Variants in EPHA3 observed in about 807,000 individuals in gnomAD.
EPHA3 encodes the protein ephrin type-A receptor 3.
Under a neutral mutation model 107.1 loss-of-function variants are expected in EPHA3, and 42 were observed. The ratio of observed to expected loss-of-function variants is 0.39; its 90% CI spans 0.31 to 0.51. The LOEUF is 0.51. EPHA3 is among the 20% of genes least tolerant of loss of function. The probability of loss-of-function intolerance (pLI) is 0.78; values close to 1 mark genes in which losing one functional copy is unlikely to be tolerated. For missense variants in EPHA3, 1,183 were observed against 1,211.2 expected (o/e 0.98, Z 0.35); for synonymous variants, 461 against 424.8 (o/e 1.09, Z -1.05).
At chr3:89,413,771 T>C (rs1451507294) in intron 10 of EPHA3, among the ~76,000 whole-genome samples, 2 of 151,806 alleles carry the variant, frequency 1.3e-5, no homozygotes, top group African/African-American at 4.8e-5. Context: ...TGACTTTGAA[T>C]AGTCTTATGT....
At chr3:89,384,610 A>T (rs1025222840) in intron 5 of EPHA3, among the ~76,000 whole-genome samples, 5 of 152,222 alleles carry the variant, frequency 3.3e-5, no homozygotes, top group African/African-American at 1.2e-4. Flanking sequence ...TCACACAATT[A>T]AATGCATATC....
At chr3:89,201,849 C>T (rs1705975247) in intron 2 of EPHA3, among the ~76,000 whole-genome samples, 1 of 152,150 alleles carries the variant, frequency 6.6e-6, no homozygotes, top group Non-Finnish European at 1.5e-5. Flanking sequence ...GTCACAGTTT[C>T]CAAGAATCTA....
At chr3:89,119,269 T>G (rs1344511261) in intron 1 of EPHA3, among the ~76,000 whole-genome samples, 1 of 152,062 alleles carries the variant, frequency 6.6e-6, no homozygotes, top group African/African-American at 2.4e-5. Context: ...AATAGAACCA[T>G]CTCCATATAA....
chr3:89,401,654 A>C (rs1559682674), intron 7 of EPHA3, among the ~76,000 whole-genome samples: 1 of 152,060 alleles, frequency 6.6e-6, no homozygotes, highest in Admixed American at 6.5e-5. Flanking sequence ...GTTGCCCAGG[A>C]TGGAGTGCAA....
chr3:89,195,240 C>T (rs549751001), intron 2 of EPHA3, among the ~76,000 whole-genome samples: 40 of 152,130 alleles, frequency 2.6e-4, no homozygotes, highest in African/African-American at 9.4e-4. Flanking sequence ...GTTCTCACAC[C>T]TGTTTTGCTG....
Position 89,480,803 on chromosome 3 carries a change from C to G in EPHA3, c.*1301C>G, listed in dbSNP as rs1304877556. Reference sequence around the variant, plus strand: ...AGGTATTATTATCTTTAAGAGTCTTCCACTTCAATGCACATGGTGCAGTTT... The same window carrying G: ...AGGTATTATTATCTTTAAGAGTCTTGCACTTCAATGCACATGGTGCAGTTT... On this transcript the variant is annotated 3_prime_UTR_variant, in exon 17 of 17. Coordinates refer to ENST00000336596, the MANE Select transcript of EPHA3 (RefSeq NM_005233.6). 1 of 232,370 alleles carries G rather than the reference C, an allele frequency of 4.3e-6. No individual in the cohort carries two copies. Among genetic ancestry groups the G allele is most frequent in the Non-Finnish European group, 8.5e-6 (1 of 117,294 alleles). 14.4% of individuals were successfully genotyped at this position (232,370 alleles called of 1,614,324 possible).
chr3:89,358,648 GC>G (rs1708018956), intron 5 of EPHA3, among the ~76,000 whole-genome samples: 1 of 150,966 alleles, frequency 6.6e-6, no homozygotes, highest in Non-Finnish European at 1.5e-5. Context: ...GCTCAATGAA[GC>G]CCCCCAGTGA....
chr3:89,322,115 C>T (rs534918824), intron 3 of EPHA3, among the ~76,000 whole-genome samples: 14 of 151,990 alleles, frequency 9.2e-5, no homozygotes, highest in African/African-American at 3.4e-4. Flanking sequence ...AACACACACA[C>T]ACACACAGAG....
chr3:89,157,468 A>G (rs1463951298), intron 2 of EPHA3, among the ~76,000 whole-genome samples: 1 of 152,050 alleles, frequency 6.6e-6, no homozygotes, highest in Non-Finnish European at 1.5e-5. Context: ...AAGTTGATGA[A>G]AAACGAAGAG....
intron 3 of EPHA3, among the ~76,000 whole-genome samples, chr3:89,297,707 C>T (rs1706390766): frequency 6.6e-6 from 1 of 152,096 alleles, no homozygotes; most frequent in Non-Finnish European, 1.5e-5. Context: ...TTGCAAAAAA[C>T]TCAGTATCTG....
At chr3:89,108,039 G>A (rs1407247686) in intron 1 of EPHA3, among the ~76,000 whole-genome samples, 1 of 151,970 alleles carries the variant, frequency 6.6e-6, no homozygotes, top group African/African-American at 2.4e-5. Flanking sequence ...TCTAAACTTT[G>A]AAAATGTGTT....
chr3:89,229,900 C>T (rs1052143926), intron 3 of EPHA3, among the ~76,000 whole-genome samples: 1 of 151,840 alleles, frequency 6.6e-6, no homozygotes, highest in Non-Finnish European at 1.5e-5. Flanking sequence ...CCATTGGGTG[C>T]ATTTAGGAAT....
chr3:89,123,921 C>T (rs1428952592), intron 1 of EPHA3, among the ~76,000 whole-genome samples: 2 of 152,040 alleles, frequency 1.3e-5, no homozygotes, highest in African/African-American at 4.8e-5. Context: ...AATATGAAAT[C>T]TGGGAAGGGG....
At chr3:89,204,919 T>C (rs1281973878) in intron 2 of EPHA3, among the ~76,000 whole-genome samples, 4 of 152,136 alleles carry the variant, frequency 2.6e-5, no homozygotes, top group Non-Finnish European at 5.9e-5. Flanking sequence ...TCACTTAAAA[T>C]TACTGGGTGC....
Position 89,187,354 on chromosome 3 carries a change from C to T in EPHA3, c.154-22506C>T, listed in dbSNP as rs749274934. On this transcript the variant is annotated intron_variant, in intron 2 of 16. Transcript: ENST00000336596. ...TTAATAAATATTAATAAATAATATACATTATAAATAAATGTATATATCTAT... is the reference window on the plus strand; with the variant it reads ...TTAATAAATATTAATAAATAATATATATTATAAATAAATGTATATATCTAT... 2.0e-3 allele frequency among the ~76,000 whole-genome samples: 301 copies of T among 148,054 alleles called. 2 individuals are homozygous for T. The highest frequency in any genetic ancestry group is 3.9e-3 in the Non-Finnish European group (259 of 67,140).
chr3:89,289,206 A>C (rs1214473737), intron 3 of EPHA3, among the ~76,000 whole-genome samples: 1 of 152,108 alleles, frequency 6.6e-6, no homozygotes, highest in Non-Finnish European at 1.5e-5. Context: ...AACGTACAGG[A>C]CTTAACTTTT....
chr3:89,385,313 C>A (rs1262560550), intron 5 of EPHA3, among the ~76,000 whole-genome samples: 2 of 152,182 alleles, frequency 1.3e-5, no homozygotes, highest in South Asian at 4.1e-4. Flanking sequence ...CAAATCTCAA[C>A]TGGAATTATA....
intron 5 of EPHA3, among the ~76,000 whole-genome samples, chr3:89,372,158 T>C (rs1434797887): frequency 6.6e-6 from 1 of 151,640 alleles, no homozygotes; most frequent in African/African-American, 2.4e-5. Flanking sequence ...AATCTATGGA[T>C]TGATCCATCT....
At chr3:89,184,233 G>C (rs1460679095) in intron 2 of EPHA3, among the ~76,000 whole-genome samples, 1 of 151,944 alleles carries the variant, frequency 6.6e-6, no homozygotes, top group Non-Finnish European at 1.5e-5. Flanking sequence ...GCTTCATGAA[G>C]AAAACACAAG....
Sources: gnomAD v4.1 joint callset for allele counts (sites outside exome capture counted in the v4.1 genomes callset) on GRCh38, gnomAD v4.1.1 for gene constraint, MANE v1.5 for transcripts, NCBI Gene and HGNC (gene_info 2026-07-23, HGNC 2026-07-21) for gene names.